The following ST6GALNAC5 variants were observed in gnomAD, a reference collection of about 807,000 sequenced individuals.
ST6GALNAC5 encodes ST6 N-acetylgalactosaminide alpha-2,6-sialyltransferase 5.
ST6GALNAC5 carries 27 observed loss-of-function variants against 33.6 expected under a neutral mutation model. The observed-to-expected ratio is 0.80, with a 90% CI of 0.59 to 1.11. The LOEUF (loss-of-function observed/expected upper bound fraction) is 1.11. Among genes scored for constraint, ST6GALNAC5 ranks in the 50% least tolerant of loss-of-function variants. The pLI is 0.00. For synonymous variants in ST6GALNAC5, 194 were observed against 171.2 expected (o/e 1.13, Z -1.04); for missense variants, 428 against 454.0 (o/e 0.94, Z 0.52).
chr1:77,023,290 G>T (rs1277748529), intron 2 of ST6GALNAC5, among the ~76,000 whole-genome samples: 2 of 152,192 alleles, frequency 1.3e-5, no homozygotes, highest in African/African-American at 4.8e-5. Flanking sequence ...GATTTCTCCT[G>T]CATATAATAG....
chr1:77,056,091 C>T (rs1652387341), intron 4 of ST6GALNAC5, among the ~76,000 whole-genome samples: 2 of 152,204 alleles, frequency 1.3e-5, no homozygotes, highest in Non-Finnish European at 2.9e-5. Flanking sequence ...CCCATCCTGC[C>T]TGTATCACCA....
intron 2 of ST6GALNAC5, among the ~76,000 whole-genome samples, chr1:76,930,832 T>G (rs1480988095): frequency 6.6e-6 from 1 of 152,082 alleles, no homozygotes; most frequent in East Asian, 1.9e-4. Context: ...CAATCAAAAT[T>G]TAAAATATTT....
intron 2 of ST6GALNAC5, among the ~76,000 whole-genome samples, chr1:76,980,438 CTG>C (rs1649202775): frequency 6.6e-6 from 1 of 152,128 alleles, no homozygotes; most frequent in East Asian, 1.9e-4. Flanking sequence ...ATTTCTATGA[CTG>C]TTACACATAA....
intron 2 of ST6GALNAC5, among the ~76,000 whole-genome samples, chr1:76,980,963 T>A (rs140174477): frequency 6.6e-6 from 1 of 152,174 alleles, no homozygotes; most frequent in East Asian, 1.9e-4. Context: ...TTTTAACAAG[T>A]CATATATGTG....
intron 2 of ST6GALNAC5, among the ~76,000 whole-genome samples, chr1:76,934,065 T>C (rs958781521): frequency 1.3e-5 from 2 of 152,066 alleles, no homozygotes; most frequent in Non-Finnish European, 2.9e-5. Flanking sequence ...TGTTTTTAAC[T>C]ACATTTAGAG....
intron 2 of ST6GALNAC5, among the ~76,000 whole-genome samples, chr1:76,990,467 G>A (rs755551752): frequency 4.7e-4 from 71 of 152,080 alleles, no homozygotes; most frequent in Admixed American, 1.2e-3. Context: ...TGAAATGTGC[G>A]CCTTCTCAGC....
chr1:77,002,081 G>T (rs1421840941), intron 2 of ST6GALNAC5, among the ~76,000 whole-genome samples: 1 of 151,968 alleles, frequency 6.6e-6, no homozygotes, highest in Non-Finnish European at 1.5e-5. Context: ...GTTCCTCCTT[G>T]TACCTCTGGT....
At chr1:76,870,425 A>C (rs965253024) in intron 2 of ST6GALNAC5, among the ~76,000 whole-genome samples, 18 of 152,242 alleles carry the variant, frequency 1.2e-4, no homozygotes. Context: ...AGTTTTGATC[A>C]GCTTTTGGGA....
chr1:76,941,902 C>T (rs1228506662), intron 2 of ST6GALNAC5, among the ~76,000 whole-genome samples: 1 of 152,136 alleles, frequency 6.6e-6, no homozygotes, highest in Non-Finnish European at 1.5e-5. Context: ...CACCTGCCAG[C>T]TGCAAGGTGG....
chr1:77,012,134 A>G lies in ST6GALNAC5; in HGVS notation c.262-32070A>G, dbSNP rs193166082. On this transcript the variant is annotated intron_variant, in intron 2 of 4. Coordinates refer to ENST00000477717, the MANE Select transcript of ST6GALNAC5 (RefSeq NM_030965.3). Reference sequence around the variant, plus strand: ...GCCTGAAGCTTTACAAAATTTGATTAGAGAGAGTTGCATCACTAGGAAACA... The same window carrying G: ...GCCTGAAGCTTTACAAAATTTGATTGGAGAGAGTTGCATCACTAGGAAACA... 3.3e-5 allele frequency among the ~76,000 whole-genome samples: 5 copies of G among 152,340 alleles called. No individual in the cohort carries two copies. In the East Asian group the frequency reaches 9.7e-4, roughly 29 times the overall value.
intron 2 of ST6GALNAC5, among the ~76,000 whole-genome samples, chr1:76,962,907 G>A (rs1187368261): frequency 6.6e-6 from 1 of 152,144 alleles, no homozygotes; most frequent in Non-Finnish European, 1.5e-5. Context: ...TGTTTACCAA[G>A]AGCATTGAAG....
At chr1:76,877,033 T>G (rs903916246) in intron 2 of ST6GALNAC5, among the ~76,000 whole-genome samples, 2 of 152,196 alleles carry the variant, frequency 1.3e-5, no homozygotes, top group Non-Finnish European at 2.9e-5. Context: ...GATGTTGCTG[T>G]GCAAAACCCG....
chr1:77,010,656 G>C (rs1435965639), intron 2 of ST6GALNAC5, among the ~76,000 whole-genome samples: 1 of 138,722 alleles, frequency 7.2e-6, no homozygotes, highest in Non-Finnish European at 1.6e-5. Flanking sequence ...TGTGGCACAG[G>C]TTCTCCAACT....
At chr1:76,939,534 C>A (rs925250342) in intron 2 of ST6GALNAC5, among the ~76,000 whole-genome samples, 3 of 152,006 alleles carry the variant, frequency 2.0e-5, no homozygotes, top group Non-Finnish European at 4.4e-5. Context: ...GGAGGGGGCC[C>A]ATGGTCCACA....
intron 2 of ST6GALNAC5, among the ~76,000 whole-genome samples, chr1:77,042,673 A>G: frequency 6.6e-6 from 1 of 152,346 alleles, no homozygotes; most frequent in East Asian, 1.9e-4. Context: ...AGCACCTAAC[A>G]TTTAGTGAAT....
intron 2 of ST6GALNAC5, among the ~76,000 whole-genome samples, chr1:76,908,142 T>G (rs1458716593): frequency 6.6e-6 from 1 of 152,152 alleles, no homozygotes; most frequent in Admixed American, 6.6e-5. Flanking sequence ...CTTATTTTTG[T>G]TGTGCTCTCT....
intron 2 of ST6GALNAC5, among the ~76,000 whole-genome samples, chr1:76,920,051 A>G (rs935970403): frequency 6.6e-6 from 1 of 152,194 alleles, no homozygotes; most frequent in East Asian, 1.9e-4. Flanking sequence ...GATGTCCTGT[A>G]TCATGTTTTG....
chr1:76,955,233 C>A (rs1647908999), intron 2 of ST6GALNAC5, among the ~76,000 whole-genome samples: 2 of 152,096 alleles, frequency 1.3e-5, no homozygotes, highest in Non-Finnish European at 2.9e-5. Flanking sequence ...TAGTGTGGTC[C>A]AGGCAGAGGT....
intron 2 of ST6GALNAC5, among the ~76,000 whole-genome samples, chr1:76,933,763 CAAAA>C (rs35621324): frequency 4.4e-5 from 3 of 67,618 alleles, no homozygotes; most frequent in African/African-American, 5.8e-5. Flanking sequence ...TTTTCTCTGC[CAAAA>C]AAAAAAAAAA....
Sources: gnomAD v4.1 joint callset for allele counts (sites outside exome capture counted in the v4.1 genomes callset) on GRCh38, gnomAD v4.1.1 for gene constraint, MANE v1.5 for transcripts, NCBI Gene and HGNC (gene_info 2026-07-23, HGNC 2026-07-21) for gene names.